GRID2: variants seen among roughly 807,000 people sequenced by gnomAD.
GRID2 encodes glutamate receptor ionotropic, delta-2.
A neutral mutation model predicts 114.8 loss-of-function variants in GRID2; 33 were observed. The ratio of observed to expected loss-of-function variants is 0.29; its 90% CI spans 0.22 to 0.38. The LOEUF is 0.38. GRID2 is among the 10% of genes least tolerant of loss of function. The probability of loss-of-function intolerance (pLI) is 1.00; values close to 1 mark genes in which losing one functional copy is unlikely to be tolerated. For missense variants in GRID2, 1,184 were observed against 1,257.7 expected, an observed-to-expected ratio of 0.94 and a Z score of 0.89; for synonymous variants, 505 against 449.9, an observed-to-expected ratio of 1.12 and a Z score of -1.55.
intron 1 of GRID2, among the ~76,000 whole-genome samples, chr4:92,316,671 A>C (rs2110118392): frequency 6.6e-6 from 1 of 152,102 alleles, no homozygotes; most frequent in Non-Finnish European, 1.5e-5. Context: ...AAGGTAGAAC[A>C]ATTCAGAACT....
chr4:93,141,273 C>A (rs890395701), intron 4 of GRID2, among the ~76,000 whole-genome samples: 1 of 152,040 alleles, frequency 6.6e-6, no homozygotes, highest in African/African-American at 2.4e-5. Flanking sequence ...CATATGTAGT[C>A]TTTCTCCCTT....
In GRID2 at chr4:92,742,484, C is replaced by T. The variant is rs140909589; in HGVS notation, c.244+152198C>T. Among the ~76,000 whole-genome samples the T allele has an allele frequency of 5.7e-3, 867 of 152,186 alleles. 8 individuals carry two copies. Among genetic ancestry groups the T allele is most frequent in the African/African-American group, 0.019 (771 of 41,526 alleles). ...TTCCCTTACCCCCTTGACACATTCTCTTAATCTCTATGCATTTTTCTTTAA... is the reference window on the plus strand; with the variant it reads ...TTCCCTTACCCCCTTGACACATTCTTTTAATCTCTATGCATTTTTCTTTAA... On this transcript the variant is annotated intron_variant, in intron 2 of 15. Coordinates refer to ENST00000282020, the MANE Select transcript of GRID2 (RefSeq NM_001510.4).
At chr4:92,635,321 T>C (rs1474063756) in intron 2 of GRID2, among the ~76,000 whole-genome samples, 1 of 152,100 alleles carries the variant, frequency 6.6e-6, no homozygotes, top group Non-Finnish European at 1.5e-5. Flanking sequence ...ACTAAAGATA[T>C]GCTCTCAGTT....
chr4:93,496,959 A>G (rs1727612436), intron 12 of GRID2, among the ~76,000 whole-genome samples: 1 of 151,586 alleles, frequency 6.6e-6, no homozygotes, highest in South Asian at 2.1e-4. Context: ...CTGCCCTACT[A>G]ATTTCCAGAG....
At chr4:93,625,395 G>T (rs1742611325) in intron 13 of GRID2, among the ~76,000 whole-genome samples, 1 of 152,144 alleles carries the variant, frequency 6.6e-6, no homozygotes, top group Non-Finnish European at 1.5e-5. Context: ...TTTACTATAA[G>T]CAACGTGGCC....
chr4:92,961,844 G>T (rs975321743), intron 2 of GRID2, among the ~76,000 whole-genome samples: 3 of 151,352 alleles, frequency 2.0e-5, no homozygotes, highest in Non-Finnish European at 3.0e-5. Context: ...TGGATATTCT[G>T]TGTTGTTGAT....
At chr4:92,921,929 T>A (rs908037950) in intron 2 of GRID2, among the ~76,000 whole-genome samples, 1 of 152,222 alleles carries the variant, frequency 6.6e-6, no homozygotes, top group Admixed American at 6.5e-5. Context: ...TGTATGGCTA[T>A]GCCCTGCCCC....
At chr4:93,614,436 T>C (rs1171080714) in intron 13 of GRID2, among the ~76,000 whole-genome samples, 1 of 152,210 alleles carries the variant, frequency 6.6e-6, no homozygotes, top group Non-Finnish European at 1.5e-5. Flanking sequence ...GCTTTTTAGA[T>C]AGACAACCCA....
chr4:92,798,453 G>T (rs1200422855), intron 2 of GRID2, among the ~76,000 whole-genome samples: 1 of 151,994 alleles, frequency 6.6e-6, no homozygotes, highest in East Asian at 1.9e-4. Context: ...TGTCTTTCTG[G>T]TATTACCATT....
chr4:93,037,227 A>C (rs936628618), intron 2 of GRID2, among the ~76,000 whole-genome samples: 4 of 152,172 alleles, frequency 2.6e-5, no homozygotes, highest in Non-Finnish European at 5.9e-5. Flanking sequence ...TTAAATTCCA[A>C]AATTGTTTTA....
At chr4:93,653,120 T>G (rs1722732237) in intron 14 of GRID2, among the ~76,000 whole-genome samples, 2 of 152,102 alleles carry the variant, frequency 1.3e-5, no homozygotes, top group South Asian at 4.1e-4. Context: ...AGTCAGAAAT[T>G]TAATCTAGAT....
At chr4:92,964,169 T>C (rs1022990967) in intron 2 of GRID2, among the ~76,000 whole-genome samples, 4 of 152,002 alleles carry the variant, frequency 2.6e-5, no homozygotes, top group African/African-American at 9.7e-5. Flanking sequence ...TAAATGAGCA[T>C]TGGCTTCAAC....
chr4:93,339,827 C>A (rs1759463746), intron 8 of GRID2, among the ~76,000 whole-genome samples: 1 of 151,922 alleles, frequency 6.6e-6, no homozygotes, highest in Non-Finnish European at 1.5e-5. Flanking sequence ...GAAGGGGAAG[C>A]AAGGCACCTT....
intron 2 of GRID2, among the ~76,000 whole-genome samples, chr4:92,919,313 CATTG>C (rs1425908736): frequency 6.6e-6 from 1 of 152,102 alleles, no homozygotes; most frequent in African/African-American, 2.4e-5. Context: ...CTCCTGGATT[CATTG>C]ATTTTTTTAA....
At chr4:93,365,582 G>A (rs1015281221) in intron 8 of GRID2, among the ~76,000 whole-genome samples, 5 of 152,060 alleles carry the variant, frequency 3.3e-5, no homozygotes, top group South Asian at 4.1e-4. Context: ...ATAACCTTAC[G>A]GTGGTTTCTG....
intron 2 of GRID2, among the ~76,000 whole-genome samples, chr4:92,941,575 C>A (rs1751135477): frequency 6.6e-6 from 1 of 152,068 alleles, no homozygotes; most frequent in Non-Finnish European, 1.5e-5. Context: ...TCCTTCAGTT[C>A]TGCTCTGATC....
chr4:92,873,902 C>CG (rs2149449063), intron 2 of GRID2, among the ~76,000 whole-genome samples: 1 of 152,122 alleles, frequency 6.6e-6, no homozygotes, highest in South Asian at 2.1e-4. Flanking sequence ...GTAGTAGAGA[C>CG]GGGGTTTCAC....
intron 1 of GRID2, among the ~76,000 whole-genome samples, chr4:93,787,328 A>G (rs1734612342): frequency 6.6e-6 from 1 of 152,150 alleles, no homozygotes; most frequent in African/African-American, 2.4e-5. Flanking sequence ...GCATGAAGAA[A>G]TACAGGCTGA....
intron 2 of GRID2, among the ~76,000 whole-genome samples, chr4:92,910,055 G>C (rs554188527): frequency 7.2e-5 from 11 of 152,000 alleles, no homozygotes; most frequent in Non-Finnish European, 1.2e-4. Flanking sequence ...TTCCAGGCTT[G>C]GTGGTATGAA....
Sources: gnomAD v4.1 joint callset for allele counts (sites outside exome capture counted in the v4.1 genomes callset) on GRCh38, gnomAD v4.1.1 for gene constraint, MANE v1.5 for transcripts, NCBI Gene and HGNC (gene_info 2026-07-23, HGNC 2026-07-21) for gene names.